Variants in CEP250 observed in about 807,000 individuals in gnomAD.
CEP250 encodes the protein centrosomal protein 250.
A neutral mutation model predicts 315.7 loss-of-function variants in CEP250; 242 were observed. That is an observed-to-expected ratio of 0.77 (90% CI 0.69 to 0.85). The LOEUF is 0.85. Ranked by LOEUF, CEP250 falls within the 40% of genes least tolerant of loss-of-function variation. The pLI is 0.00. For synonymous variants in CEP250, 1,088 were observed against 1,175.0 expected (o/e 0.93, Z 1.51); for missense variants, 2,515 against 2,886.4 (o/e 0.87, Z 2.95).
rs767048692 is a variant in CEP250 at position 35,480,117 on chromosome 20, AAG to A, written c.2561_2562del (p.Glu854GlyfsTer136). ...GAGCAGCAGAAGGCAGCCCATGAGA[AAG>A]AGGTGAACCAGCTCCGGGAGAAATG... is the stretch of plus-strand genomic sequence containing the variant. On this transcript the variant is annotated frameshift_variant, in exon 20 of 35. Coordinates refer to ENST00000397527, the MANE Select transcript of CEP250 (RefSeq NM_007186.6). LOFTEE classifies it high-confidence loss of function. 10 of 1,612,276 alleles carry A rather than the reference AAG, an allele frequency of 6.2e-6. No homozygotes were observed. Among genetic ancestry groups the A allele is most frequent in the Non-Finnish European group, 3.4e-6 (4 of 1,179,990 alleles).
intron 12 of CEP250, 110 bp downstream of exon 12, chr20:35,472,941 A>T: frequency 9.3e-7 from 1 of 1,078,646 alleles, no homozygotes; most frequent in Non-Finnish European, 1.4e-6. Flanking sequence ...TTGACCAGTC[A>T]TGAGGTGTTC....
chr20:35,511,633 CAGCCAGG>C lies in CEP250; in HGVS notation c.*11_*17del. ...CCAAGCCGCCTCCAGGTAGCAGCCA[CAGCCAGG>C]AGCACACAGACAGAAGACTGTGTCA... On this transcript the variant is annotated 3_prime_UTR_variant, in exon 35 of 35. Coordinates refer to ENST00000397527, the MANE Select transcript of CEP250 (RefSeq NM_007186.6). The C allele has an allele frequency of 6.2e-7, 1 of 1,605,204 alleles. No individual in the cohort carries two copies. Among genetic ancestry groups the C allele is most frequent in the Non-Finnish European group, 8.5e-7 (1 of 1,174,878 alleles).
chr20:35,456,784 CA>C (rs1568745439), intron 1 of CEP250, among the ~76,000 whole-genome samples: 2 of 140,516 alleles, frequency 1.4e-5, no homozygotes, highest in Non-Finnish European at 3.0e-5. Context: ...TGCCTCCCCC[CA>C]CTTTTTTTTT....
chr20:35,515,321 C>T lies in CEP250; in HGVS notation c.*3695C>T, dbSNP rs2064425036. The T allele has an allele frequency of 6.6e-6, 1 of 152,278 alleles. No homozygotes were observed. The highest frequency in any genetic ancestry group is 6.5e-5 in the Admixed American group (1 of 15,290). The allele number at this position is 152,278 out of a possible 1,614,324, so 9.4% of individuals were successfully genotyped here. A position where few individuals can be genotyped will look rare whatever the true frequency, so the allele number is the denominator to read the frequency against. On this transcript the variant is annotated 3_prime_UTR_variant, in exon 35 of 35. Coordinates refer to ENST00000397527, the MANE Select transcript of CEP250 (RefSeq NM_007186.6). ...ATGCAGCCCAGAGCCCAGGACCGAG[C>T]ATCCACCGGCCTCTGGAGATGGCGT... is the stretch of plus-strand genomic sequence containing the variant.
chr20:35,505,627 T>C (rs1374960866), intron 30 of CEP250, among the ~76,000 whole-genome samples: 1 of 121,222 alleles, frequency 8.2e-6, no homozygotes, highest in African/African-American at 3.1e-5. Flanking sequence ...CACTCGAGCC[T>C]GGGCAAAGAA....
At chr20:35,480,209 GT>G in intron 20 of CEP250, 64 bp downstream of exon 20, 1 of 1,490,020 alleles carries the variant, frequency 6.7e-7, no homozygotes, top group South Asian at 1.3e-5. Context: ...CTGCCTCTTG[GT>G]CCAGTTATTG....
At chr20:35,466,840 AT>A in intron 7 of CEP250, 125 bp from the exon 8 acceptor site, 1 of 646,584 alleles carries the variant, frequency 1.5e-6, no homozygotes, top group South Asian at 1.8e-5. Context: ...ATAGATACCC[AT>A]TCATAAACTA....
At position 35,511,700 on chromosome 20, in the gene CEP250, C is replaced by T; in HGVS notation, c.*74C>T. On this transcript the variant is annotated 3_prime_UTR_variant, in exon 35 of 35. Transcript: ENST00000397527. The stretch of plus-strand genomic sequence containing the variant: ...GCCCCTCCGCACACCTACAGGTTTG[C>T]CAAAGGAAAAGCCTGGCTCTGTTAG... The T allele has an allele frequency of 6.6e-7, 1 of 1,505,508 alleles. No homozygotes were observed. Among genetic ancestry groups the T allele is most frequent in the Non-Finnish European group, 8.9e-7 (1 of 1,127,186 alleles). 93.3% of individuals were successfully genotyped at this position (1,505,508 alleles called of 1,614,324 possible). A position where few individuals can be genotyped will look rare whatever the true frequency, so the allele number is the denominator to read the frequency against.
In CEP250 at chr20:35,510,015, G is replaced by A; in HGVS notation, c.7026G>A (p.Lys2342=). 1 of 1,614,222 alleles carries A rather than the reference G, an allele frequency of 6.2e-7. No homozygotes were observed. Among genetic ancestry groups the A allele is most frequent in the Non-Finnish European group, 8.5e-7 (1 of 1,180,036 alleles). Reference sequence around the variant, plus strand: ...TTCCTTAGGATGGGAGAGGACAGAAGAACTCAGATGCCAAGTGTGTGGCTG... The same window carrying A: ...TTCCTTAGGATGGGAGAGGACAGAAAAACTCAGATGCCAAGTGTGTGGCTG... ...SPTQQDGRGQ[K]NSDAKCVAEL... Residue 2342 remains lysine (K), a synonymous_variant, in exon 34 of 35, where the codon AAG becomes AAA. Transcript: ENST00000397527.
intron 10 of CEP250, chr20:35,470,272 T>C (rs935599006): frequency 4.2e-6 from 2 of 472,354 alleles, no homozygotes; most frequent in Non-Finnish European, 7.4e-6. Flanking sequence ...CAGAGACACA[T>C]TGGCAAATTA....
chr20:35,493,576 CCCT>C lies in CEP250; in HGVS notation c.3033+13_3033+15del. 4.6e-6 allele frequency: 7 copies of C among 1,527,274 alleles called. No homozygotes were observed. Among genetic ancestry groups the C allele is most frequent in the Admixed American group, 2.2e-5 (1 of 44,866 alleles). 94.6% of individuals were successfully genotyped at this position (1,527,274 alleles called of 1,614,324 possible). A position where few individuals can be genotyped will look rare whatever the true frequency, so the allele number is the denominator to read the frequency against. On this transcript the variant is annotated splice_donor_5th_base_variant and intron_variant, in intron 23 of 34. Coordinates refer to ENST00000397527, the MANE Select transcript of CEP250 (RefSeq NM_007186.6). ...TAAGATGGACCTGCAGAAGCAGGTCCCCTCCTCCTCCCCACCAAGTCCCATGGT... is the reference window on the plus strand; with the variant it reads ...TAAGATGGACCTGCAGAAGCAGGTCCCCTCCTCCCCACCAAGTCCCATGGT...
intron 22 of CEP250, among the ~76,000 whole-genome samples, 173 bp downstream of exon 22, chr20:35,491,519 A>G (rs2063694020): frequency 6.6e-6 from 1 of 152,180 alleles, no homozygotes; most frequent in African/African-American, 2.4e-5. Context: ...CTGTAATCCC[A>G]GCACTTTGGC....
At chr20:35,494,335 A>G in intron 23 of CEP250, 189 bp from the exon 24 acceptor site, 1 of 664,964 alleles carries the variant, frequency 1.5e-6, no homozygotes, top group Admixed American at 3.0e-5. Flanking sequence ...GAGGCAGATG[A>G]CCAGGCCGAA....
At chr20:35,496,428 A>G (rs764563416) in intron 24 of CEP250, 149 bp from the exon 25 acceptor site, 8 of 729,748 alleles carry the variant, frequency 1.1e-5, no homozygotes, top group South Asian at 2.2e-5. Flanking sequence ...TAAGTGCTCA[A>G]TAAATGATAG....
In CEP250 at chr20:35,473,865, T is replaced by A; in HGVS notation, c.1389-5T>A. The A allele has an allele frequency of 6.2e-7, 1 of 1,607,678 alleles. No individual in the cohort carries two copies. Among genetic ancestry groups the A allele is most frequent in the Non-Finnish European group, 8.5e-7 (1 of 1,177,966 alleles). On this transcript the variant is annotated splice_region_variant and splice_polypyrimidine_tract_variant and intron_variant, in intron 13 of 34. Transcript: ENST00000397527. ...CTCTGCTCATCTCTGATTCCCTTCT[T>A]CCAGGGAGCGAGAGCTGCTGCAGAA...
chr20:35,461,340 GC>G (rs1284757669), intron 3 of CEP250, among the ~76,000 whole-genome samples: 1 of 152,214 alleles, frequency 6.6e-6, no homozygotes, highest in Admixed American at 6.5e-5. Context: ...GAGGGAAGTA[GC>G]ACATCTGAGG....
chr20:35,516,984 C>T lies in CEP250; in HGVS notation c.*5358C>T. On this transcript the variant is annotated 3_prime_UTR_variant, in exon 35 of 35. Coordinates refer to ENST00000397527, the MANE Select transcript of CEP250 (RefSeq NM_007186.6). Reference sequence around the variant, plus strand: ...AAGGCTACATTCTTGTCCCACAGGGCAGAGCACATGGCAAGTGGCATGCTG... The same window carrying T: ...AAGGCTACATTCTTGTCCCACAGGGTAGAGCACATGGCAAGTGGCATGCTG... The T allele has an allele frequency of 1.0e-6, 1 of 985,612 alleles. No individual in the cohort carries two copies. Among genetic ancestry groups the T allele is most frequent in the Non-Finnish European group, 1.2e-6 (1 of 830,010 alleles). 61.1% of individuals were successfully genotyped at this position (985,612 alleles called of 1,614,324 possible).
chr20:35,490,056 T>TGGG, intron 20 of CEP250, among the ~76,000 whole-genome samples: 1 of 152,194 alleles, frequency 6.6e-6, no homozygotes, highest in South Asian at 2.1e-4. Context: ...CTCATGCCTA[T>TGGG]AATCCCAGCA....
Position 35,479,255 on chromosome 20 carries a change from A to T in CEP250, c.2119A>T (p.Thr707Ser), listed in dbSNP as rs1164965091. ...GTCACGTCACCAGCAGGAGGCAGCC[A>T]CGACTCAGCTGGAGCAGCTACATCA... ...SESRHQQEAATTQLEQLHQEA... is the reference protein window; with the variant it reads ...SESRHQQEAASTQLEQLHQEA... Residue 707 changes from threonine to serine, a missense_variant, in exon 18 of 35, where the codon ACG (threonine) becomes TCG (serine). Thr to Ser is a moderately conservative substitution (Grantham distance 58). Coordinates refer to ENST00000397527, the MANE Select transcript of CEP250 (RefSeq NM_007186.6). 1 of 1,614,034 alleles carries T rather than the reference A, an allele frequency of 6.2e-7. No individual in the cohort carries two copies. Among genetic ancestry groups the T allele is most frequent in the Non-Finnish European group, 8.5e-7 (1 of 1,179,930 alleles).
Sources: allele counts gnomAD v4.1 joint callset (sites outside exome capture counted in the v4.1 genomes callset), GRCh38; gene constraint gnomAD v4.1.1; transcripts MANE v1.5; gene names NCBI Gene and HGNC (gene_info 2026-07-23, HGNC 2026-07-21).